The following MYO16 variants were observed in gnomAD, a reference collection of about 807,000 sequenced individuals.
MYO16 encodes the protein unconventional myosin-XVI.
Under a neutral mutation model 205.3 loss-of-function variants are expected in MYO16, and 94 were observed. That is an observed-to-expected ratio of 0.46 (90% CI 0.39 to 0.54). The LOEUF is 0.54. Among genes scored for constraint, MYO16 ranks in the 20% least tolerant of loss-of-function variants. The probability of loss-of-function intolerance (pLI) is 0.00; values close to 1 mark genes in which losing one functional copy is unlikely to be tolerated. For synonymous variants in MYO16, 988 were observed against 954.0 expected, an observed-to-expected ratio of 1.04 and a Z score of -0.66; for missense variants, 2,315 against 2,387.5, an observed-to-expected ratio of 0.97 and a Z score of 0.63.
intron 14 of MYO16, among the ~76,000 whole-genome samples, 177 bp from the exon 15 acceptor site, chr13:108,897,839 G>C (rs759386340): frequency 6.6e-6 from 1 of 152,122 alleles, no homozygotes; most frequent in African/African-American, 2.4e-5. Context: ...TTGAGACATA[G>C]GATGCTAGTG....
At chr13:108,602,467 G>C (rs1312390741) in intron 1 of MYO16, among the ~76,000 whole-genome samples, 2 of 152,134 alleles carry the variant, frequency 1.3e-5, no homozygotes, top group Non-Finnish European at 2.9e-5. Context: ...TTTTGAAGAT[G>C]TTTTGACAGT....
At chr13:108,812,956 G>A (rs905596426) in intron 7 of MYO16, among the ~76,000 whole-genome samples, 3 of 152,234 alleles carry the variant, frequency 2.0e-5, no homozygotes, top group Admixed American at 6.5e-5. Context: ...CCAGAACTGT[G>A]AGCAATAAAT....
intron 32 of MYO16, among the ~76,000 whole-genome samples, chr13:109,150,226 G>C (rs1201860047): frequency 7.2e-5 from 11 of 152,098 alleles, no homozygotes; most frequent in Non-Finnish European, 1.3e-4. Context: ...CTTTAAACAG[G>C]CAAAAATCCA....
At chr13:109,040,517 T>G (rs1886853788) in intron 23 of MYO16, among the ~76,000 whole-genome samples, 1 of 152,074 alleles carries the variant, frequency 6.6e-6, no homozygotes, top group Non-Finnish European at 1.5e-5. Flanking sequence ...ACGGTTTTGG[T>G]TTTTGTTTTC....
At chr13:108,780,329 T>A (rs1311971258) in intron 4 of MYO16, among the ~76,000 whole-genome samples, 2 of 149,090 alleles carry the variant, frequency 1.3e-5, no homozygotes, top group Non-Finnish European at 3.0e-5. Context: ...CTCTCAGGTA[T>A]GTTAGTCATA....
At chr13:109,031,024 T>C (rs277825) in intron 23 of MYO16, among the ~76,000 whole-genome samples, 148,417 of 152,222 alleles carry the variant, frequency 0.98, 72,439 homozygotes, top group East Asian at 1. Flanking sequence ...CTTCAGTAGT[T>C]CCTCAACACT....
At position 108,700,352 on chromosome 13, in the gene MYO16, AAGAAG is replaced by A. The variant is rs1883257365; in HGVS notation, c.293-12307_293-12303del. Among the ~76,000 whole-genome samples the A allele has an allele frequency of 4.1e-3, 474 of 116,952 alleles. 5 individuals carry two copies. Among genetic ancestry groups the A allele is most frequent in the African/African-American group, 0.016 (435 of 27,834 alleles). The allele number at this position is 116,952 out of a possible 152,430, so 76.7% of individuals were successfully genotyped here. A position where few individuals can be genotyped will look rare whatever the true frequency, so the allele number is the denominator to read the frequency against. On this transcript the variant is annotated intron_variant, in intron 2 of 34. Coordinates refer to ENST00000457511, the MANE Select transcript of MYO16 (RefSeq NM_001198950.3). ...TGTCTCAAAAAAAAAAAAAAAAAAG[AAGAAG>A]AAGAAGAAGAAGAAGGATTTATTCA...
chr13:109,046,836 G>C (rs762403267), intron 23 of MYO16, 80 bp from the exon 24 acceptor site: 1 of 1,198,852 alleles, frequency 8.3e-7, no homozygotes, highest in Non-Finnish European at 1.2e-6. Flanking sequence ...ACTTCAGCTG[G>C]GTCAAGTTAT....
chr13:109,061,120 G>A (rs1887579317), intron 27 of MYO16, among the ~76,000 whole-genome samples: 1 of 151,966 alleles, frequency 6.6e-6, no homozygotes, highest in South Asian at 2.1e-4. Flanking sequence ...ACCTCTCTCA[G>A]CCTTCATAAA....
chr13:108,757,748 C>T (rs9559402), intron 4 of MYO16, among the ~76,000 whole-genome samples: 6,448 of 152,002 alleles, frequency 0.042, 283 homozygotes, highest in East Asian at 0.25. Flanking sequence ...TTTGTCCTTG[C>T]GACAGTTTGC....
chr13:109,175,734 A>G (rs1879140817), intron 33 of MYO16, among the ~76,000 whole-genome samples: 1 of 152,062 alleles, frequency 6.6e-6, no homozygotes, highest in Non-Finnish European at 1.5e-5. Flanking sequence ...GCTTCTCAGA[A>G]TGTGCAGAAG....
rs77484881 is a variant in MYO16, at chr13:108,946,668, A to T, written c.1926-11020A>T. On this transcript the variant is annotated intron_variant, in intron 16 of 34. Transcript: ENST00000457511. Reference sequence around the variant, plus strand: ...TGAATAAGTGAAATGCGGAGAAGAGAGTGTATTGGTCAGGGTTCTCCAGAA... The same window carrying T: ...TGAATAAGTGAAATGCGGAGAAGAGTGTGTATTGGTCAGGGTTCTCCAGAA... Among the ~76,000 whole-genome samples the T allele has an allele frequency of 8.1e-4, 124 of 152,306 alleles. No homozygotes were observed. In the East Asian group the frequency reaches 0.016, roughly 20 times the overall value.
At chr13:108,902,768 C>A (rs1173380897) in intron 15 of MYO16, among the ~76,000 whole-genome samples, 1 of 152,216 alleles carries the variant, frequency 6.6e-6, no homozygotes, top group Non-Finnish European at 1.5e-5. Flanking sequence ...GATTAGGACA[C>A]ACCCTACTCC....
chr13:109,065,604 C>G, intron 27 of MYO16: 1 of 467,986 alleles, frequency 2.1e-6, no homozygotes, highest in Non-Finnish European at 4.1e-6. Context: ...ATGGTCTCAG[C>G]CACCTTTCCC....
intron 1 of MYO16, among the ~76,000 whole-genome samples, chr13:108,617,977 G>C (rs967445911): frequency 2.0e-5 from 3 of 152,068 alleles, no homozygotes; most frequent in African/African-American, 2.4e-5. Flanking sequence ...CACCTAGAAA[G>C]CTGGTCTTCT....
At chr13:108,964,399 G>A (rs1030541676) in intron 19 of MYO16, among the ~76,000 whole-genome samples, 14 of 152,052 alleles carry the variant, frequency 9.2e-5, no homozygotes, top group African/African-American at 2.4e-4. Context: ...CAGAAAGCCC[G>A]TTTCCACATG....
intron 27 of MYO16, among the ~76,000 whole-genome samples, chr13:109,088,634 T>A (rs559452965): frequency 1.2e-4 from 19 of 152,304 alleles, no homozygotes; most frequent in Admixed American, 1.2e-3. Context: ...AATGAATCCC[T>A]GGGATTAAGA....
intron 4 of MYO16, among the ~76,000 whole-genome samples, chr13:108,753,370 C>CAA (rs534466420): frequency 3.6e-5 from 4 of 111,790 alleles, no homozygotes; most frequent in African/African-American, 1.5e-4. Context: ...AACTCTGTGA[C>CAA]AAAAAAAAAA....
intron 1 of MYO16, among the ~76,000 whole-genome samples, chr13:108,642,767 G>A (rs750144781): frequency 6.6e-6 from 1 of 152,162 alleles, no homozygotes; most frequent in South Asian, 2.1e-4. Flanking sequence ...AAGTGACAGA[G>A]GCTGGCATCT....
Sources: allele counts gnomAD v4.1 joint callset (sites outside exome capture counted in the v4.1 genomes callset), GRCh38; gene constraint gnomAD v4.1.1; transcripts MANE v1.5; gene names NCBI Gene and HGNC (gene_info 2026-07-23, HGNC 2026-07-21).